The following METTL16 variants were observed in gnomAD, a reference collection of about 807,000 sequenced individuals.
The protein encoded by METTL16 is methyltransferase 16, RNA N6-adenosine.
Under a neutral mutation model 57.9 loss-of-function variants are expected in METTL16, and 19 were observed. The ratio of observed to expected loss-of-function variants is 0.33; its 90% CI spans 0.23 to 0.48. The LOEUF (loss-of-function observed/expected upper bound fraction) is 0.48. Ranked by LOEUF, METTL16 falls within the 20% of genes least tolerant of loss-of-function variation. The pLI is 0.99. For missense variants in METTL16, 434 were observed against 691.5 expected, an observed-to-expected ratio of 0.63 and a Z score of 4.18; for synonymous variants, 246 against 255.6, an observed-to-expected ratio of 0.96 and a Z score of 0.36.
intron 2 of METTL16, among the ~76,000 whole-genome samples, chr17:2,485,900 C>T (rs1472812451): frequency 6.6e-6 from 1 of 152,146 alleles, no homozygotes; most frequent in East Asian, 1.9e-4. Context: ...ATTAGTGGAT[C>T]TGCCTTAGGA....
intron 4 of METTL16, among the ~76,000 whole-genome samples, chr17:2,470,110 C>T (rs1013241483): frequency 2.6e-5 from 4 of 152,068 alleles, no homozygotes; most frequent in Non-Finnish European, 5.9e-5. Context: ...GAATATATGT[C>T]GCTGATTCAC....
At chr17:2,430,455 G>A (rs1358914900) in intron 8 of METTL16, among the ~76,000 whole-genome samples, 10 of 119,540 alleles carry the variant, frequency 8.4e-5, no homozygotes, top group South Asian at 5.1e-4. Flanking sequence ...TCGCTCTGTC[G>A]CCCAGGCTGG....
chr17:2,484,620 G>A (rs1336603005), intron 2 of METTL16, among the ~76,000 whole-genome samples: 1 of 151,840 alleles, frequency 6.6e-6, no homozygotes, highest in African/African-American at 2.4e-5. Flanking sequence ...TCAACCTCCT[G>A]AGTAGATAGG....
In METTL16 at chr17:2,503,427, C is replaced by T. The variant is rs1597474906; in HGVS notation, c.1-1096G>A. ...ATCAACAAAATACGGTATATCCATACACTAAATATGGGTCAACAAAATACA... is the reference window on the plus strand; with the variant it reads ...ATCAACAAAATACGGTATATCCATATACTAAATATGGGTCAACAAAATACA... On this transcript the variant is annotated intron_variant, in intron 1 of 9. Transcript: ENST00000263092. Among the ~76,000 whole-genome samples the T allele has an allele frequency of 2.0e-5, 3 of 151,156 alleles. No individual in the cohort carries two copies. The East Asian group carries it at 5.8e-4, about 29-fold the overall frequency.
chr17:2,497,242 G>C (rs1236796690), intron 2 of METTL16, among the ~76,000 whole-genome samples: 1 of 150,532 alleles, frequency 6.6e-6, no homozygotes, highest in Non-Finnish European at 1.5e-5. Flanking sequence ...CTGACCTCAG[G>C]TGATCCGCCC....
At chr17:2,439,889 C>T (rs2151549504) in intron 7 of METTL16, among the ~76,000 whole-genome samples, 1 of 152,168 alleles carries the variant, frequency 6.6e-6, no homozygotes, top group Non-Finnish European at 1.5e-5. Context: ...CTCAAAACTA[C>T]CATCAGAGTA....
chr17:2,444,736 T>G (rs2066981705), intron 6 of METTL16, among the ~76,000 whole-genome samples: 1 of 148,568 alleles, frequency 6.7e-6, no homozygotes, highest in African/African-American at 2.5e-5. Context: ...TTTTTTGAGA[T>G]GGAGTTTCGC....
intron 1 of METTL16, among the ~76,000 whole-genome samples, chr17:2,507,234 G>A (rs1407087138): frequency 3.8e-4 from 51 of 134,358 alleles, no homozygotes; most frequent in Middle Eastern, 5.7e-3. Flanking sequence ...CAGCCGCCCC[G>A]ACCGGGAGGT....
chr17:2,440,560 CA>C (rs368245245), intron 7 of METTL16, among the ~76,000 whole-genome samples: 1,940 of 143,766 alleles, frequency 0.013, 24 homozygotes, highest in Middle Eastern at 0.045. Context: ...CCCCATTTCT[CA>C]AAAAAAAACA....
chr17:2,430,412 CTTTTTT>C lies in METTL16; in HGVS notation c.888+7691_888+7696del, dbSNP rs903960118. On this transcript the variant is annotated intron_variant, in intron 8 of 9. Coordinates refer to ENST00000263092, the MANE Select transcript of METTL16 (RefSeq NM_024086.4). ...TATTCAGATATATTTTTAGAATTCT[CTTTTTT>C]TTTTTTTTTTTTTTTGAGACGGAGT... 7.8e-3 allele frequency among the ~76,000 whole-genome samples: 924 copies of C among 118,514 alleles called. 9 individuals are homozygous for C. The highest frequency in any genetic ancestry group is 0.029 in the African/African-American group (869 of 30,014). 77.7% of individuals were successfully genotyped at this position (118,514 alleles called of 152,430 possible).
intron 3 of METTL16, 113 bp from the exon 4 acceptor site, chr17:2,473,777 C>T (rs1161630767): frequency 3.3e-5 from 38 of 1,157,658 alleles, no homozygotes; most frequent in Admixed American, 1.5e-4. Flanking sequence ...CTCACTCTGT[C>T]GCCCAGGCTA....
intron 6 of METTL16, among the ~76,000 whole-genome samples, chr17:2,447,794 G>A (rs1417920386): frequency 8.2e-6 from 1 of 121,384 alleles, no homozygotes; most frequent in East Asian, 2.6e-4. Context: ...CCCCGTCCGG[G>A]AGGGAGGTGG....
chr17:2,479,673 G>A (rs932341183), intron 2 of METTL16, among the ~76,000 whole-genome samples: 1 of 152,014 alleles, frequency 6.6e-6, no homozygotes, highest in Non-Finnish European at 1.5e-5. Flanking sequence ...AATGTCCATC[G>A]GGATGCTTGA....
At chr17:2,467,616 C>T (rs1379195347) in intron 5 of METTL16, 145 bp downstream of exon 5, 12 of 551,566 alleles carry the variant, frequency 2.2e-5, no homozygotes, top group Non-Finnish European at 2.3e-5. Flanking sequence ...TTAGTAGAGA[C>T]GGAGTTTCAC....
intron 1 of METTL16, 88 bp from the exon 2 acceptor site, chr17:2,502,419 C>T (rs2067495969): frequency 7.5e-7 from 1 of 1,332,976 alleles, no homozygotes; most frequent in East Asian, 2.4e-5. Context: ...GCCTCTAATC[C>T]CAGTACTTTG....
At position 2,502,114 on chromosome 17, in the gene METTL16, G is replaced by A. The variant is rs1231339753; in HGVS notation, c.128+90C>T. Reference sequence around the variant, plus strand: ...GGTCGCATGGGACGTTTAATCAAATGTCTAAGATTAACACTCAGGTGGGCT... The same window carrying A: ...GGTCGCATGGGACGTTTAATCAAATATCTAAGATTAACACTCAGGTGGGCT... On this transcript the variant is annotated intron_variant, in intron 2 of 9. Transcript: ENST00000263092. The A allele has an allele frequency of 6.6e-6, 9 of 1,369,348 alleles. No individual in the cohort carries two copies. In the African/African-American group the frequency reaches 8.6e-5, roughly 13 times the overall value. The allele number at this position is 1,369,348 out of a possible 1,614,324, so 84.8% of individuals were successfully genotyped here.
chr17:2,488,170 G>GAGGTGAA (rs1261138332), intron 2 of METTL16, among the ~76,000 whole-genome samples: 1 of 152,082 alleles, frequency 6.6e-6, no homozygotes, highest in Non-Finnish European at 1.5e-5. Context: ...CAACAGCCAA[G>GAGGTGAA]AGGTGAAAGC....
At chr17:2,435,956 C>G (rs975366044) in intron 8 of METTL16, among the ~76,000 whole-genome samples, 1 of 152,156 alleles carries the variant, frequency 6.6e-6, no homozygotes, top group African/African-American at 2.4e-5. Context: ...GTGCCCTTTA[C>G]TACGTGGACC....
At chr17:2,510,184 T>TG (rs1204737111) in intron 1 of METTL16, among the ~76,000 whole-genome samples, 2 of 152,186 alleles carry the variant, frequency 1.3e-5, no homozygotes, top group Non-Finnish European at 2.9e-5. Flanking sequence ...TCCCAATTTA[T>TG]GGGGGACATG....
Sources: gnomAD v4.1 joint callset for allele counts (sites outside exome capture counted in the v4.1 genomes callset) on GRCh38, gnomAD v4.1.1 for gene constraint, MANE v1.5 for transcripts, NCBI Gene and HGNC (gene_info 2026-07-23, HGNC 2026-07-21) for gene names.